Variants in TMEM213 observed in about 807,000 individuals in gnomAD.
TMEM213 encodes the protein transmembrane protein 213.
In TMEM213, 7 loss-of-function variants were observed where a neutral mutation model predicts 11.6. That is an observed-to-expected ratio of 0.60 (90% CI 0.34 to 1.13). The LOEUF is 1.13. Ranked by LOEUF, TMEM213 falls within the 50% of genes most tolerant of loss-of-function variation. The probability of loss-of-function intolerance (pLI) is 0.03; values close to 1 mark genes in which losing one functional copy is unlikely to be tolerated. For missense variants in TMEM213, 129 were observed against 139.0 expected (o/e 0.93, Z 0.36); for synonymous variants, 60 against 58.3 (o/e 1.03, Z -0.13).
chr7:138,802,759 A>G, intron 2 of TMEM213, 141 bp from the exon 3 acceptor site: 1 of 801,046 alleles, frequency 1.2e-6, no homozygotes. Context: ...GTGTAAAAGC[A>G]CGCAGCACAG....
intron 1 of TMEM213, among the ~76,000 whole-genome samples, chr7:138,801,097 T>C (rs1808928941): frequency 6.6e-6 from 1 of 152,070 alleles, no homozygotes; most frequent in East Asian, 1.9e-4. Context: ...CATCTCCAAA[T>C]ACAATCACAT....
Position 138,801,330 on chromosome 7 carries a change from C to A in TMEM213, c.86C>A (p.Ala29Glu). Residue 29 changes from alanine (A) to glutamate (E), a missense_variant, in exon 2 of 3, where the codon GCA (alanine) becomes GAA (glutamate). Physicochemically the swap from Ala to Glu is moderately radical, Grantham distance 107. Transcript: ENST00000442682. Reference protein sequence around the residue: ...ASLHSACSAEASSSNSSSLTA... With the variant: ...ASLHSACSAEESSSNSSSLTA... ...TATCTCCTATCTTTTCTTCCAGAAG[C>A]AAGCAGCAGCAACAGCTCAAGCTTG... The A allele has an allele frequency of 6.2e-7, 1 of 1,611,720 alleles. No homozygotes were observed. Among genetic ancestry groups the A allele is most frequent in the East Asian group, 2.2e-5 (1 of 44,828 alleles).
intron 1 of TMEM213, 94 bp downstream of exon 1, chr7:138,798,280 C>T: frequency 9.4e-7 from 1 of 1,064,206 alleles, no homozygotes. Context: ...GGGGAAGATT[C>T]TTTGGCCAGG....
In TMEM213 at chr7:138,803,106, A is replaced by C. The variant is rs759088290; in HGVS notation, c.*37A>C. On this transcript the variant is annotated 3_prime_UTR_variant, in exon 3 of 3. Coordinates refer to ENST00000442682, the MANE Select transcript of TMEM213 (RefSeq NM_001085429.2). ...GGTGCACAAAATGGTGATCGCCACC[A>C]ATTTGTGGCTAATGGGGAAGGGGAG... The C allele has an allele frequency of 6.2e-7, 1 of 1,601,712 alleles. No homozygotes were observed. Among genetic ancestry groups the C allele is most frequent in the Middle Eastern group, 1.7e-4 (1 of 6,044 alleles).
At chr7:138,799,779 T>G (rs976610534) in intron 1 of TMEM213, among the ~76,000 whole-genome samples, 5 of 152,222 alleles carry the variant, frequency 3.3e-5, no homozygotes, top group Non-Finnish European at 7.3e-5. Context: ...TGTAAATAAT[T>G]TACAGTAACA....
intron 1 of TMEM213, chr7:138,799,244 G>A (rs1808846784): frequency 6.6e-6 from 1 of 152,178 alleles, no homozygotes. Flanking sequence ...AGCAATTATG[G>A]TAAGCACATT....
chr7:138,805,736 A>T lies in TMEM213; in HGVS notation c.*2667A>T, dbSNP rs1244961638. ...GAAAATAGAAGAATTGGACCAAATC[A>T]GCAGTTTCAAGCTGAGTTGCAAAAG... is the stretch of plus-strand genomic sequence containing the variant. On this transcript the variant is annotated 3_prime_UTR_variant, in exon 3 of 3. Transcript: ENST00000442682. 1.3e-5 allele frequency: 2 copies of T among 152,264 alleles called. No homozygotes were observed. Among genetic ancestry groups the T allele is most frequent in the Admixed American group, 6.5e-5 (1 of 15,290 alleles). The allele number at this position is 152,264 out of a possible 1,614,324, so 9.4% of individuals were successfully genotyped here.
rs1022218002 is a variant in TMEM213, at chr7:138,806,488, G to C, written c.*3419G>C. Reference sequence around the variant, plus strand: ...TGATCTTGCCACTGCACTCCAGCCTGGGTGACAGAGTGAGACCTTGCCTCA... The same window carrying C: ...TGATCTTGCCACTGCACTCCAGCCTCGGTGACAGAGTGAGACCTTGCCTCA... On this transcript the variant is annotated 3_prime_UTR_variant, in exon 3 of 3. Transcript: ENST00000442682. 6.6e-6 allele frequency: 1 copy of C among 152,232 alleles called. No individual in the cohort carries two copies. Among genetic ancestry groups the C allele is most frequent in the Non-Finnish European group, 1.5e-5 (1 of 68,084 alleles). 9.4% of individuals were successfully genotyped at this position (152,232 alleles called of 1,614,324 possible).
At chr7:138,801,547 T>C (rs1347632577) in intron 2 of TMEM213, 149 bp downstream of exon 2, 1 of 720,568 alleles carries the variant, frequency 1.4e-6, no homozygotes, top group Non-Finnish European at 2.3e-6. Flanking sequence ...GTCCCAGAAC[T>C]ATTTGCAGAG....
intron 1 of TMEM213, 39 bp downstream of exon 1, chr7:138,798,225 G>C (rs560081346): frequency 1.6e-4 from 242 of 1,543,166 alleles, no homozygotes; most frequent in South Asian, 1.3e-3. Context: ...GGCTGGGAAG[G>C]GGGAGGGAAG....
chr7:138,801,658 C>A, intron 2 of TMEM213: 1 of 487,924 alleles, frequency 2.0e-6, no homozygotes, highest in South Asian at 3.3e-5. Context: ...CTAACAATGC[C>A]CTAGGTTCAA....
Position 138,806,199 on chromosome 7 carries a change from T to C in TMEM213, c.*3130T>C. On this transcript the variant is annotated 3_prime_UTR_variant, in exon 3 of 3. Transcript: ENST00000442682. ...TTGATTACAGCAGACCAGATCTTTATCTGTCAATAAGTTAAAAAAGATAAT... is the reference window on the plus strand; with the variant it reads ...TTGATTACAGCAGACCAGATCTTTACCTGTCAATAAGTTAAAAAAGATAAT... 6.6e-6 allele frequency: 1 copy of C among 152,208 alleles called. No homozygotes were observed. The highest frequency in any genetic ancestry group is 1.5e-5 in the Non-Finnish European group (1 of 68,058). 9.4% of individuals were successfully genotyped at this position (152,208 alleles called of 1,614,324 possible).
intron 1 of TMEM213, among the ~76,000 whole-genome samples, chr7:138,798,567 G>C (rs1233201473): frequency 6.6e-6 from 1 of 152,152 alleles, no homozygotes; most frequent in Non-Finnish European, 1.5e-5. Context: ...CCACTGGGCT[G>C]TCGTGCTTTG....
chr7:138,802,259 C>T (rs866784456), intron 2 of TMEM213, among the ~76,000 whole-genome samples: 13 of 151,454 alleles, frequency 8.6e-5, no homozygotes, highest in Middle Eastern at 3.6e-3. Flanking sequence ...GCACTTAAAA[C>T]GAAGGATAGG....
At chr7:138,800,203 G>A (rs140339622) in intron 1 of TMEM213, among the ~76,000 whole-genome samples, 196 of 152,250 alleles carry the variant, frequency 1.3e-3, no homozygotes, top group African/African-American at 4.5e-3. Flanking sequence ...ACGCGGCAAT[G>A]GAACCCTTGG....
In TMEM213 at chr7:138,802,949, C is replaced by T. The variant is rs139367155; in HGVS notation, c.204C>T (p.Asp68=). The T allele has an allele frequency of 1.9e-4, 300 of 1,610,888 alleles. 1 individual carries two copies. The East Asian group carries it at 5.0e-3, about 27-fold the overall frequency. ...QAARCCRTGV[D]EYGWIAAAVG... ...CCCGGTGCTGCCGCACAGGAGTGGA[C>T]GAGTACGGCTGGATCGCGGCAGCTG... Residue 68 remains aspartate, a synonymous_variant, in exon 3 of 3, where the codon GAC becomes GAT. Coordinates refer to ENST00000442682, the MANE Select transcript of TMEM213 (RefSeq NM_001085429.2).
Position 138,804,609 on chromosome 7 carries a change from G to C in TMEM213, c.*1540G>C, listed in dbSNP as rs1157347970. The C allele has an allele frequency of 6.6e-6, 1 of 152,212 alleles. No individual in the cohort carries two copies. The highest frequency in any genetic ancestry group is 1.5e-5 in the Non-Finnish European group (1 of 68,054). 9.4% of individuals were successfully genotyped at this position (152,212 alleles called of 1,614,324 possible). A position where few individuals can be genotyped will look rare whatever the true frequency, so the allele number is the denominator to read the frequency against. Reference sequence around the variant, plus strand: ...AGTACCCTATTCAAGTTTGTCCAATGAGTGCATGGGTGAATTAATGAATGA... The same window carrying C: ...AGTACCCTATTCAAGTTTGTCCAATCAGTGCATGGGTGAATTAATGAATGA... On this transcript the variant is annotated 3_prime_UTR_variant, in exon 3 of 3. Transcript: ENST00000442682.
At position 138,804,763 on chromosome 7, in the gene TMEM213, G is replaced by A. The variant is rs1417345667; in HGVS notation, c.*1694G>A. The A allele has an allele frequency of 6.6e-6, 1 of 152,214 alleles. No homozygotes were observed. Among genetic ancestry groups the A allele is most frequent in the African/African-American group, 2.4e-5 (1 of 41,448 alleles). The allele number at this position is 152,214 out of a possible 1,614,324, so 9.4% of individuals were successfully genotyped here. ...CAATGGTTTGGTCACTGCTCTCTCA[G>A]CAAATTACAGTCACTGTCACTTAGC... On this transcript the variant is annotated 3_prime_UTR_variant, in exon 3 of 3. Coordinates refer to ENST00000442682, the MANE Select transcript of TMEM213 (RefSeq NM_001085429.2).
In TMEM213 at chr7:138,804,084, C is replaced by T; in HGVS notation, c.*1015C>T. 6.5e-6 allele frequency: 1 copy of T among 152,672 alleles called. No homozygotes were observed. Among genetic ancestry groups the T allele is most frequent in the East Asian group, 1.9e-4 (1 of 5,194 alleles). The allele number at this position is 152,672 out of a possible 1,614,324, so 9.5% of individuals were successfully genotyped here. A position where few individuals can be genotyped will look rare whatever the true frequency, so the allele number is the denominator to read the frequency against. The stretch of plus-strand genomic sequence containing the variant: ...CCCACCTATTCTCCCTGCCGGTGCC[C>T]AAGTTTTAGCCTTCACTGCCTTCCC... On this transcript the variant is annotated 3_prime_UTR_variant, in exon 3 of 3. Coordinates refer to ENST00000442682, the MANE Select transcript of TMEM213 (RefSeq NM_001085429.2).
Sources: allele counts gnomAD v4.1 joint callset (sites outside exome capture counted in the v4.1 genomes callset), GRCh38; gene constraint gnomAD v4.1.1; transcripts MANE v1.5; gene names NCBI Gene and HGNC (gene_info 2026-07-23, HGNC 2026-07-21).